The following AK5 variants were observed in gnomAD, a reference collection of about 807,000 sequenced individuals.
AK5 encodes adenylate kinase isoenzyme 5.
Under a neutral mutation model 69.5 loss-of-function variants are expected in AK5, and 27 were observed. That is an observed-to-expected ratio of 0.39 (90% CI 0.29 to 0.54). The LOEUF is 0.54. Among genes scored for constraint, AK5 ranks in the 20% least tolerant of loss-of-function variants. The pLI is 0.71. For synonymous variants in AK5, 260 were observed against 244.4 expected, an observed-to-expected ratio of 1.06 and a Z score of -0.60; for missense variants, 531 against 700.4, an observed-to-expected ratio of 0.76 and a Z score of 2.73.
At chr1:77,296,840 T>G (rs943308373) in intron 3 of AK5, among the ~76,000 whole-genome samples, 1 of 152,234 alleles carries the variant, frequency 6.6e-6, no homozygotes, top group Admixed American at 6.5e-5. Flanking sequence ...AGATCTAGTT[T>G]ATTTCCTCTG....
intron 10 of AK5, among the ~76,000 whole-genome samples, chr1:77,512,851 C>T (rs550656236): frequency 4.6e-5 from 7 of 152,228 alleles, no homozygotes; most frequent in South Asian, 2.1e-4. Flanking sequence ...ATGATGAGTT[C>T]ATGTCCTTTG....
At chr1:77,487,104 C>A (rs552592928) in intron 10 of AK5, among the ~76,000 whole-genome samples, 11 of 152,340 alleles carry the variant, frequency 7.2e-5, no homozygotes, top group Non-Finnish European at 1.0e-4. Context: ...TACAGTGAAA[C>A]TTATTGATGG....
intron 10 of AK5, among the ~76,000 whole-genome samples, chr1:77,497,352 C>G (rs1249370497): frequency 6.6e-6 from 1 of 152,120 alleles, no homozygotes; most frequent in African/African-American, 2.4e-5. Flanking sequence ...TGAAGTCAAG[C>G]AAGACCACAA....
chr1:77,556,575 A>G (rs1187897540), intron 13 of AK5, among the ~76,000 whole-genome samples: 1 of 150,762 alleles, frequency 6.6e-6, no homozygotes, highest in African/African-American at 2.4e-5. Context: ...GGGAACGACA[A>G]ACAGTGCTTC....
intron 5 of AK5, among the ~76,000 whole-genome samples, chr1:77,305,393 C>T (rs1157097935): frequency 1.3e-5 from 2 of 152,082 alleles, no homozygotes; most frequent in Non-Finnish European, 2.9e-5. Flanking sequence ...TGGGATATTG[C>T]TCAAGACATT....
intron 12 of AK5, among the ~76,000 whole-genome samples, chr1:77,535,417 C>T (rs1658902467): frequency 6.6e-6 from 1 of 152,146 alleles, no homozygotes; most frequent in Admixed American, 6.5e-5. Flanking sequence ...TGACACAGTA[C>T]AGGCACAGCC....
At chr1:77,393,761 C>T (rs899162096) in intron 6 of AK5, among the ~76,000 whole-genome samples, 27 of 152,182 alleles carry the variant, frequency 1.8e-4, no homozygotes, top group Non-Finnish European at 1.8e-4. Context: ...AGTAACTCCT[C>T]CAGAGTCACA....
chr1:77,494,498 G>A (rs1366990170), intron 10 of AK5, among the ~76,000 whole-genome samples: 2 of 151,932 alleles, frequency 1.3e-5, no homozygotes, highest in Non-Finnish European at 2.9e-5. Flanking sequence ...TGTACCCTTG[G>A]GCCAACCCCT....
chr1:77,464,550 C>T (rs990977822), intron 8 of AK5, among the ~76,000 whole-genome samples: 1 of 152,076 alleles, frequency 6.6e-6, no homozygotes, highest in African/African-American at 2.4e-5. Context: ...GGTAGCTAGG[C>T]AGATCATTCT....
At chr1:77,388,386 A>G (rs181509428) in intron 6 of AK5, among the ~76,000 whole-genome samples, 7 of 152,358 alleles carry the variant, frequency 4.6e-5, no homozygotes, top group East Asian at 1.9e-4. Context: ...TATGCATTCA[A>G]TGTTAAATGC....
chr1:77,486,281 A>G, intron 9 of AK5, 27 bp from the exon 10 acceptor site: 1 of 1,497,696 alleles, frequency 6.7e-7, no homozygotes, highest in Non-Finnish European at 9.3e-7. Context: ...TTTCTTGCCA[A>G]TAACTTAAGT....
At chr1:77,356,534 G>A (rs1662535365) in intron 6 of AK5, among the ~76,000 whole-genome samples, 1 of 152,190 alleles carries the variant, frequency 6.6e-6, no homozygotes, top group Non-Finnish European at 1.5e-5. Context: ...TTTTGCACAA[G>A]TTTTTGAAAC....
chr1:77,346,041 G>T (rs1169056458), intron 6 of AK5: 4 of 152,148 alleles, frequency 2.6e-5, no homozygotes, highest in Non-Finnish European at 5.9e-5. Context: ...ATATTATTAA[G>T]AAAGTCACAA....
chr1:77,355,962 A>G (rs1359140779), intron 6 of AK5, among the ~76,000 whole-genome samples: 3 of 152,116 alleles, frequency 2.0e-5, no homozygotes, highest in Non-Finnish European at 4.4e-5. Flanking sequence ...AAGAAAGAGC[A>G]AAAACAAAGC....
chr1:77,328,989 G>A (rs1196308764), intron 5 of AK5, among the ~76,000 whole-genome samples: 3 of 152,146 alleles, frequency 2.0e-5, no homozygotes, highest in African/African-American at 7.2e-5. Context: ...AGACAGCAAA[G>A]GGGGCTGAAC....
At chr1:77,544,161 C>G (rs937234590) in intron 13 of AK5, among the ~76,000 whole-genome samples, 1 of 152,130 alleles carries the variant, frequency 6.6e-6, no homozygotes, top group Non-Finnish European at 1.5e-5. Context: ...GGCAAAGATA[C>G]AGTAAGAATA....
At chr1:77,313,667 C>T (rs1483476178) in intron 5 of AK5, 1 of 416,038 alleles carries the variant, frequency 2.4e-6, no homozygotes, top group African/African-American at 2.0e-5. Context: ...CCCTGTCCTC[C>T]CCTGTCTCAG....
At chr1:77,452,085 C>A (rs887792364) in intron 8 of AK5, among the ~76,000 whole-genome samples, 1 of 152,184 alleles carries the variant, frequency 6.6e-6, no homozygotes, top group Admixed American at 6.5e-5. Flanking sequence ...TTCGTATTTT[C>A]CCCCTTTGAT....
At chr1:77,441,288 A>G (rs986808436) in intron 8 of AK5, among the ~76,000 whole-genome samples, 8 of 151,838 alleles carry the variant, frequency 5.3e-5, no homozygotes, top group African/African-American at 1.2e-4. Context: ...TTTTCCATCA[A>G]TTCATTGATT....
Sources: allele counts gnomAD v4.1 joint callset (sites outside exome capture counted in the v4.1 genomes callset), GRCh38; gene constraint gnomAD v4.1.1; transcripts MANE v1.5; gene names NCBI Gene and HGNC (gene_info 2026-07-23, HGNC 2026-07-21).